Variants in ANGPTL5 observed in about 807,000 individuals in gnomAD.
ANGPTL5 encodes the protein angiopoietin-related protein 5.
Under a neutral mutation model 39.4 loss-of-function variants are expected in ANGPTL5, and 34 were observed. The observed-to-expected ratio is 0.86, with a 90% CI of 0.66 to 1.15. The LOEUF is 1.15. Among genes scored for constraint, ANGPTL5 ranks in the 50% most tolerant of loss-of-function variants. The pLI is 0.00. For synonymous variants in ANGPTL5, 146 were observed against 152.1 expected (o/e 0.96, Z 0.29); for missense variants, 467 against 457.5 (o/e 1.02, Z -0.19).
Position 101,890,788 on chromosome 11 carries a change from G to A in ANGPTL5, c.*491C>T, listed in dbSNP as rs1939678585. 6.6e-6 allele frequency: 1 copy of A among 152,484 alleles called. No homozygotes were observed. Among genetic ancestry groups the A allele is most frequent in the African/African-American group, 2.4e-5 (1 of 41,378 alleles). The allele number at this position is 152,484 out of a possible 1,614,324, so 9.4% of individuals were successfully genotyped here. ...AGCAAACTCTTACTACTTTTAAAAT[G>A]GTATGGCATCACCTAGAAATAGTAA... On this transcript the variant is annotated 3_prime_UTR_variant, in exon 9 of 9. Coordinates refer to ENST00000334289, the MANE Select transcript of ANGPTL5 (RefSeq NM_178127.5).
intron 1 of ANGPTL5, among the ~76,000 whole-genome samples, chr11:101,910,358 C>T (rs912435451): frequency 2.0e-5 from 3 of 147,312 alleles, no homozygotes; most frequent in Admixed American, 1.4e-4. Context: ...TGTGGTGAGC[C>T]GAGATCATGC....
chr11:101,911,511 C>T lies in ANGPTL5; in HGVS notation c.-92-3510G>A, dbSNP rs118095489. On this transcript the variant is annotated intron_variant, in intron 1 of 8. Coordinates refer to ENST00000334289, the MANE Select transcript of ANGPTL5 (RefSeq NM_178127.5). Reference sequence around the variant, plus strand: ...GTGATTGGATCATGGGGGCAGATATCCCCACTGATGCTGTTCTCACAATAG... The same window carrying T: ...GTGATTGGATCATGGGGGCAGATATTCCCACTGATGCTGTTCTCACAATAG... 5.2e-3 allele frequency among the ~76,000 whole-genome samples: 798 copies of T among 152,210 alleles called. 6 individuals are homozygous for T. Among genetic ancestry groups the T allele is most frequent in the Middle Eastern group, 0.021 (6 of 292 alleles).
chr11:101,895,842 T>C lies in ANGPTL5; in HGVS notation c.662-778A>G, dbSNP rs17097311. ...GAGATATATGCCTCTACTTGAATCATAAAATTATTAAAGAAAATAAGGGTC... is the reference window on the plus strand; with the variant it reads ...GAGATATATGCCTCTACTTGAATCACAAAATTATTAAAGAAAATAAGGGTC... On this transcript the variant is annotated intron_variant, in intron 7 of 8. Coordinates refer to ENST00000334289, the MANE Select transcript of ANGPTL5 (RefSeq NM_178127.5). 3.7e-3 allele frequency among the ~76,000 whole-genome samples: 562 copies of C among 152,318 alleles called. 4 individuals carry two copies. The highest frequency in any genetic ancestry group is 0.013 in the African/African-American group (535 of 41,578).
intron 7 of ANGPTL5, among the ~76,000 whole-genome samples, chr11:101,899,491 T>C (rs1939856736): frequency 6.6e-6 from 1 of 152,210 alleles, no homozygotes; most frequent in African/African-American, 2.4e-5. Context: ...AAACTCATAT[T>C]CTTTCCCCAT....
chr11:101,895,707 A>G (rs1200745521), intron 7 of ANGPTL5, among the ~76,000 whole-genome samples: 1 of 152,226 alleles, frequency 6.6e-6, no homozygotes, highest in Non-Finnish European at 1.5e-5. Context: ...AGGATGAAAT[A>G]TAAAACTCCC....
chr11:101,895,236 A>G (rs959807224), intron 7 of ANGPTL5, among the ~76,000 whole-genome samples, 172 bp from the exon 8 acceptor site: 1 of 152,192 alleles, frequency 6.6e-6, no homozygotes, highest in Non-Finnish European at 1.5e-5. Context: ...ACTTCATAAA[A>G]CAAACAAAAT....
intron 5 of ANGPTL5, 68 bp downstream of exon 5, chr11:101,904,746 G>C: frequency 7.3e-7 from 1 of 1,364,608 alleles, no homozygotes; most frequent in Non-Finnish European, 1.0e-6. Context: ...TAAATGGATC[G>C]ACCTGTCCAG....
In ANGPTL5 at chr11:101,895,077, T is replaced by C. The variant is rs764048071; in HGVS notation, c.662-13A>G. 19 of 1,521,864 alleles carry C rather than the reference T, an allele frequency of 1.2e-5. No homozygotes were observed. The East Asian group carries it at 1.4e-4, about 11-fold the overall frequency. The allele number at this position is 1,521,864 out of a possible 1,614,324, so 94.3% of individuals were successfully genotyped here. On this transcript the variant is annotated splice_polypyrimidine_tract_variant and intron_variant, in intron 7 of 8. Transcript: ENST00000334289. ...AGCCAAAATTCTCCTGTAAAAAAAA[T>C]GCTTTGTTTTAATATATTTTAATAC...
intron 8 of ANGPTL5, among the ~76,000 whole-genome samples, chr11:101,892,476 C>G (rs989170277): frequency 6.6e-6 from 1 of 152,066 alleles, no homozygotes; most frequent in Non-Finnish European, 1.5e-5. Flanking sequence ...AGTGATCCAC[C>G]CACCTCGGCC....
chr11:101,896,963 C>T (rs914618423), intron 7 of ANGPTL5, among the ~76,000 whole-genome samples: 1 of 152,196 alleles, frequency 6.6e-6, no homozygotes, highest in African/African-American at 2.4e-5. Context: ...CTAATTTACA[C>T]TCCCACCAAC....
rs537216436 is a variant in ANGPTL5 at position 101,908,737 on chromosome 11, C to T, written c.-92-736G>A. ...CAGAGGTTGCAGTGAGCCGAGATCA[C>T]GCCACTGCACTCCAGCCTGGGCGAA... On this transcript the variant is annotated intron_variant, in intron 1 of 8. Coordinates refer to ENST00000334289, the MANE Select transcript of ANGPTL5 (RefSeq NM_178127.5). Among the ~76,000 whole-genome samples the T allele has an allele frequency of 1.5e-4, 22 of 148,190 alleles. No homozygotes were observed. In the South Asian group the frequency reaches 3.6e-3, roughly 25 times the overall value.
At chr11:101,901,164 A>C (rs1023672232) in intron 6 of ANGPTL5, among the ~76,000 whole-genome samples, 17 of 151,864 alleles carry the variant, frequency 1.1e-4, no homozygotes, top group African/African-American at 3.9e-4. Context: ...GGCGTGAGCC[A>C]CCGCGCCTGG....
chr11:101,912,341 T>C (rs1228522336), intron 1 of ANGPTL5, among the ~76,000 whole-genome samples: 1 of 152,224 alleles, frequency 6.6e-6, no homozygotes, highest in African/African-American at 2.4e-5. Flanking sequence ...CAACTGCCTT[T>C]CCTGTCAAGA....
At chr11:101,906,095 ATAAT>A (rs1170399085) in intron 3 of ANGPTL5, among the ~76,000 whole-genome samples, 20 of 152,270 alleles carry the variant, frequency 1.3e-4, no homozygotes, top group African/African-American at 2.4e-4. Context: ...ATTACCCAGA[ATAAT>A]TAATCTGTTA....
intron 1 of ANGPTL5, among the ~76,000 whole-genome samples, chr11:101,909,776 G>C (rs543541512): frequency 6.6e-6 from 1 of 152,186 alleles, no homozygotes; most frequent in South Asian, 2.1e-4. Flanking sequence ...TATAATACTT[G>C]TTAAATTAAA....
intron 7 of ANGPTL5, among the ~76,000 whole-genome samples, 184 bp from the exon 8 acceptor site, chr11:101,895,248 C>T (rs1288934706): frequency 1.3e-5 from 2 of 152,140 alleles, no homozygotes; most frequent in African/African-American, 4.8e-5. Flanking sequence ...AAACAAAATT[C>T]CTACTTCTAC....
chr11:101,900,182 T>C (rs1371518689), intron 7 of ANGPTL5, among the ~76,000 whole-genome samples: 2 of 152,220 alleles, frequency 1.3e-5, no homozygotes, highest in Non-Finnish European at 2.9e-5. Flanking sequence ...AGATACTTAA[T>C]ACATATCCAA....
rs572946677 is a variant in ANGPTL5, at chr11:101,895,510, G to A, written c.662-446C>T. On this transcript the variant is annotated intron_variant, in intron 7 of 8. Transcript: ENST00000334289. ...GAGAAGGTTTAACCTCCAAATCAGC[G>A]GTTCCTGAAGAAAAATTTCCTAAAA... Among the ~76,000 whole-genome samples, 136 of 152,180 alleles carry A rather than the reference G, an allele frequency of 8.9e-4. No individual in the cohort carries two copies. In the South Asian group the frequency reaches 0.01, roughly 11 times the overall value.
intron 7 of ANGPTL5, among the ~76,000 whole-genome samples, chr11:101,899,484 C>T (rs1939856642): frequency 1.3e-5 from 2 of 152,302 alleles, no homozygotes; most frequent in East Asian, 1.9e-4. Flanking sequence ...TTAGTCAAAA[C>T]TCATATTCTT....
Sources: gnomAD v4.1 joint callset for allele counts (sites outside exome capture counted in the v4.1 genomes callset) on GRCh38, gnomAD v4.1.1 for gene constraint, MANE v1.5 for transcripts, NCBI Gene and HGNC (gene_info 2026-07-23, HGNC 2026-07-21) for gene names.